SORL1: variants seen among roughly 807,000 people sequenced by gnomAD.
The protein encoded by SORL1 is sortilin related receptor 1, also known as sortilin-related receptor.
SORL1 carries 127 observed loss-of-function variants against 273.7 expected under a neutral mutation model. The ratio of observed to expected loss-of-function variants is 0.46; its 90% CI spans 0.40 to 0.54. The LOEUF (loss-of-function observed/expected upper bound fraction) is 0.54, where lower values mean the gene tolerates loss of function less well. Ranked by LOEUF, SORL1 falls within the 20% of genes least tolerant of loss-of-function variation. The pLI, the probability that SORL1 is intolerant of heterozygous loss-of-function variation, is 0.00. For missense variants in SORL1, 2,494 were observed against 2,846.1 expected, an observed-to-expected ratio of 0.88 and a Z score of 2.81; for synonymous variants, 1,031 against 1,067.4, an observed-to-expected ratio of 0.97 and a Z score of 0.66.
chr11:121,555,726 AGAGT>A (rs1458102424), intron 18 of SORL1, among the ~76,000 whole-genome samples: 3 of 152,214 alleles, frequency 2.0e-5, no homozygotes, highest in Admixed American at 6.5e-5. Flanking sequence ...TTATTCGATT[AGAGT>A]GATAGCAACA....
chr11:121,551,646 G>A (rs1262375375), intron 16 of SORL1, among the ~76,000 whole-genome samples: 5 of 152,166 alleles, frequency 3.3e-5, no homozygotes, highest in South Asian at 4.1e-4. Flanking sequence ...GGTGTCTTAC[G>A]TGGACAGCCA....
chr11:121,587,896 TA>T, intron 27 of SORL1, 123 bp from the exon 28 acceptor site: 1 of 1,135,108 alleles, frequency 8.8e-7, no homozygotes, highest in Non-Finnish European at 1.3e-6. Flanking sequence ...AAGTGCTCAA[TA>T]AATTGTGGCT....
chr11:121,521,002 C>T (rs1344695430), intron 9 of SORL1, among the ~76,000 whole-genome samples, 153 bp downstream of exon 9: 1 of 151,392 alleles, frequency 6.6e-6, no homozygotes, highest in Admixed American at 6.6e-5. Context: ...TGTGTTGCTA[C>T]ACTTGCAGTT....
chr11:121,617,271 C>T (rs1277727974), intron 41 of SORL1, among the ~76,000 whole-genome samples: 1 of 152,156 alleles, frequency 6.6e-6, no homozygotes, highest in East Asian at 1.9e-4. Context: ...TGCGAAGGTT[C>T]CCCCACAAAG....
chr11:121,628,330 G>A (rs1294531791), intron 47 of SORL1, among the ~76,000 whole-genome samples: 1 of 152,082 alleles, frequency 6.6e-6, no homozygotes, highest in Non-Finnish European at 1.5e-5. Flanking sequence ...AAGGGTTGGG[G>A]GATGATTTCA....
chr11:121,589,490 C>A (rs1863176170), intron 29 of SORL1, 100 bp downstream of exon 29: 1 of 1,452,404 alleles, frequency 6.9e-7, no homozygotes, highest in African/African-American at 1.4e-5. Flanking sequence ...GCAGACTTGG[C>A]CTTCCCGTAA....
chr11:121,607,390 T>C (rs1863495062), intron 37 of SORL1, 100 bp downstream of exon 37: 1 of 631,970 alleles, frequency 1.6e-6, no homozygotes, highest in Middle Eastern at 2.5e-4. Context: ...GTGAGATGCA[T>C]ATTAGTAATC....
chr11:121,522,358 C>CT (rs1409288900), intron 9 of SORL1, among the ~76,000 whole-genome samples: 1 of 152,082 alleles, frequency 6.6e-6, no homozygotes, highest in African/African-American at 2.4e-5. Context: ...CTCAGAAGGC[C>CT]TTTTTAAGTT....
rs921519688 is a variant in SORL1, at chr11:121,605,334, C to T, written c.4779-68C>T. On this transcript the variant is annotated intron_variant, in intron 34 of 47. Transcript: ENST00000260197. ...CTAGTGGCATGCACCATGCTATTAA[C>T]GGAGTCAGACATCTCAGCCCCCCAT... The T allele has an allele frequency of 5.7e-5, 89 of 1,574,242 alleles. 1 individual carries two copies. The highest frequency in any genetic ancestry group is 5.1e-4 in the South Asian group (44 of 86,018).
Position 121,478,137 on chromosome 11 carries a change from A to G in SORL1, c.422A>G (p.Tyr141Cys). The change falls in exon 3 of 48, where the codon TAT becomes TGT. Residue 141 changes from tyrosine (Y) to cysteine (C), a missense_variant. By Grantham distance (194) the Tyr-to-Cys change is radical (BLOSUM62 -2). Coordinates refer to ENST00000260197, the MANE Select transcript of SORL1 (RefSeq NM_003105.6). ...KSSDVYVSYD[Y>C]GKSFKKISDK... ...TTCCAGGTGTACGTGTCTTACGACT[A>G]TGGAAAATCATTCAAGAAAATTTCA... The G allele has an allele frequency of 1.2e-6, 2 of 1,613,674 alleles. No homozygotes were observed. The highest frequency in any genetic ancestry group is 1.7e-6 in the Non-Finnish European group (2 of 1,179,906).
At position 121,513,156 on chromosome 11, in the gene SORL1, A is replaced by C. The variant is rs112717881; in HGVS notation, c.1041+52A>C. The C allele has an allele frequency of 2.7e-4, 367 of 1,352,124 alleles. No homozygotes were observed. In the African/African-American group the frequency reaches 4.5e-3, roughly 16 times the overall value. The allele number at this position is 1,352,124 out of a possible 1,614,324, so 83.8% of individuals were successfully genotyped here. A position where few individuals can be genotyped will look rare whatever the true frequency, so the allele number is the denominator to read the frequency against. On this transcript the variant is annotated intron_variant, in intron 7 of 47. Transcript: ENST00000260197. Reference sequence around the variant, plus strand: ...AAGAAGTATCATTGTCTTTATGCAGAGGTCAGAGGAAGGTTGTTGCAGGGA... The same window carrying C: ...AAGAAGTATCATTGTCTTTATGCAGCGGTCAGAGGAAGGTTGTTGCAGGGA...
At chr11:121,619,011 G>A in intron 42 of SORL1, 118 bp downstream of exon 42, 1 of 1,029,288 alleles carries the variant, frequency 9.7e-7, no homozygotes, top group Non-Finnish European at 1.4e-6. Flanking sequence ...TGTGTGACGA[G>A]AGGCAACTTC....
At chr11:121,531,857 G>A (rs991525273) in intron 11 of SORL1, among the ~76,000 whole-genome samples, 1 of 152,176 alleles carries the variant, frequency 6.6e-6, no homozygotes, top group South Asian at 2.1e-4. Context: ...TGGTTCCTTT[G>A]GGGGAAATAA....
chr11:121,547,493 A>T (rs1862450872), intron 14 of SORL1, among the ~76,000 whole-genome samples: 2 of 143,316 alleles, frequency 1.4e-5, no homozygotes, highest in Admixed American at 7.1e-5. Flanking sequence ...CTCCTGGGTA[A>T]ACTGGCCTGG....
At position 121,595,523 on chromosome 11, in the gene SORL1, A is replaced by C; in HGVS notation, c.4370-100A>C. 1 of 1,097,824 alleles carries C rather than the reference A, an allele frequency of 9.1e-7. No individual in the cohort carries two copies. Among genetic ancestry groups the C allele is most frequent in the Admixed American group, 2.2e-5 (1 of 45,532 alleles). 68.0% of individuals were successfully genotyped at this position (1,097,824 alleles called of 1,614,324 possible). A position where few individuals can be genotyped will look rare whatever the true frequency, so the allele number is the denominator to read the frequency against. On this transcript the variant is annotated intron_variant, in intron 31 of 47. Coordinates refer to ENST00000260197, the MANE Select transcript of SORL1 (RefSeq NM_003105.6). The surrounding 1 kb of genome is among the most constrained non-coding windows in gnomAD (Gnocchi z 5.1). ...CATTTGTCTTCAGGTTCCCATTGTA[A>C]TTTCTAAAGCACCGTAATCTCCTAG...
intron 6 of SORL1, among the ~76,000 whole-genome samples, chr11:121,502,003 A>C (rs935718708): frequency 1.3e-5 from 2 of 151,546 alleles, no homozygotes; most frequent in African/African-American, 4.9e-5. Context: ...GCTTGTGTCT[A>C]CTGTTTTACT....
intron 22 of SORL1, among the ~76,000 whole-genome samples, chr11:121,569,515 G>A (rs180802073): frequency 5.9e-5 from 9 of 152,276 alleles, no homozygotes; most frequent in East Asian, 1.9e-4. Flanking sequence ...TGGCCGCTTC[G>A]AGGGGCGGCC....
intron 6 of SORL1, among the ~76,000 whole-genome samples, chr11:121,502,124 CTTTTT>C (rs57842880): frequency 2.5e-4 from 16 of 65,186 alleles, no homozygotes; most frequent in South Asian, 7.1e-4. Context: ...TGTGACAATT[CTTTTT>C]TTTTTTTTTT....
intron 5 of SORL1, among the ~76,000 whole-genome samples, chr11:121,493,928 G>C (rs1229507827): frequency 2.6e-5 from 4 of 152,190 alleles, no homozygotes; most frequent in Non-Finnish European, 5.9e-5. Context: ...ACAGAGGGTA[G>C]CTGTTTCTGA....
Sources: gnomAD v4.1 joint callset for allele counts (sites outside exome capture counted in the v4.1 genomes callset) on GRCh38, gnomAD v4.1.1 for gene constraint, Gnocchi (gnomAD v3.1) non-coding constraint, MANE v1.5 for transcripts, NCBI Gene and HGNC (gene_info 2026-07-23, HGNC 2026-07-21) for gene names.